The following DNAH8 variants were observed in gnomAD, a reference collection of about 807,000 sequenced individuals.
DNAH8 encodes dynein axonemal heavy chain 8.
In DNAH8, 382 loss-of-function variants were observed where a neutral mutation model predicts 562.1. The observed-to-expected ratio is 0.68, with a 90% CI of 0.63 to 0.74. The LOEUF (loss-of-function observed/expected upper bound fraction) is 0.74, where lower values mean the gene tolerates loss of function less well. DNAH8 is among the 30% of genes least tolerant of loss of function. DNAH8 has a pLI of 0.00. For missense variants in DNAH8, 5,203 were observed against 5,620.4 expected (o/e 0.93, Z 2.37); for synonymous variants, 1,881 against 1,919.4 (o/e 0.98, Z 0.52).
At chr6:38,905,253 C>G (rs1031585127) in intron 62 of DNAH8, among the ~76,000 whole-genome samples, 5 of 152,184 alleles carry the variant, frequency 3.3e-5, no homozygotes, top group Non-Finnish European at 7.3e-5. Flanking sequence ...TTGTCATTAG[C>G]TTACCCATGA....
intron 10 of DNAH8, 33 bp from the exon 11 acceptor site, chr6:38,761,669 C>G: frequency 8.7e-7 from 1 of 1,152,490 alleles, no homozygotes; most frequent in Non-Finnish European, 1.2e-6. Context: ...TCTCTTTTTA[C>G]ATATAATTAT....
chr6:39,005,147 C>T (rs778877233), intron 88 of DNAH8, among the ~76,000 whole-genome samples: 4 of 152,178 alleles, frequency 2.6e-5, no homozygotes, highest in Non-Finnish European at 4.4e-5. Context: ...AGCAGCAGCT[C>T]ATGCCTGTAA....
At chr6:38,909,451 A>C in intron 64 of DNAH8, 67 bp from the exon 65 acceptor site, 8 of 1,462,718 alleles carry the variant, frequency 5.5e-6, no homozygotes, top group Non-Finnish European at 7.7e-6. Context: ...CAGATTGCGT[A>C]AATCTCTCTC....
At chr6:38,765,109 C>T (rs904172097) in intron 11 of DNAH8, among the ~76,000 whole-genome samples, 3 of 152,186 alleles carry the variant, frequency 2.0e-5, no homozygotes, top group African/African-American at 4.8e-5. Context: ...GTGTTGGGAT[C>T]ACAGGCGTAA....
intron 53 of DNAH8, among the ~76,000 whole-genome samples, chr6:38,881,844 C>T (rs1778519754): frequency 6.6e-6 from 1 of 152,118 alleles, no homozygotes; most frequent in Non-Finnish European, 1.5e-5. Flanking sequence ...AGCCACTGTG[C>T]CCGGACTTGA....
At chr6:38,949,428 T>G in intron 80 of DNAH8, 24 bp from the exon 81 acceptor site, 1 of 1,394,976 alleles carries the variant, frequency 7.2e-7, no homozygotes, top group Non-Finnish European at 1.0e-6. Context: ...TTCTGTGGCT[T>G]GCTAATTGGC....
At chr6:38,743,204 T>C (rs1265860514) in intron 8 of DNAH8, among the ~76,000 whole-genome samples, 1 of 151,746 alleles carries the variant, frequency 6.6e-6, no homozygotes. Flanking sequence ...TTTTTAAAAA[T>C]GTTGTCCAGG....
chr6:38,715,836 A>C (rs1432119956), intron 1 of DNAH8, among the ~76,000 whole-genome samples: 2 of 107,008 alleles, frequency 1.9e-5, no homozygotes, highest in African/African-American at 5.5e-5. Context: ...GATGACCCTG[A>C]AGTCTCAGAC....
intron 83 of DNAH8, chr6:38,971,914 C>T (rs1039346264): frequency 1.2e-5 from 4 of 324,470 alleles, no homozygotes; most frequent in African/African-American, 4.3e-5. Flanking sequence ...GGGAGACACA[C>T]CTTCTGATTT....
chr6:38,907,842 A>C, intron 63 of DNAH8, 114 bp from the exon 64 acceptor site: 1 of 960,176 alleles, frequency 1.0e-6, no homozygotes, highest in Non-Finnish European at 1.4e-6. Context: ...GAGATGCTGA[A>C]AGAAAATATG....
In DNAH8 at chr6:38,737,828, G is replaced by A. The variant is rs200424041; in HGVS notation, c.972G>A (p.Glu324=). The change falls in exon 7 of 93, where the codon GAG becomes GAA. Residue 324 remains glutamate, a synonymous_variant. Transcript: ENST00000327475. ...SFLDGARISI[E]GTVKLKTIDN... is the part of the protein sequence containing the mutation. ...TTTTAGGTGCTAGAATAAGTATTGAGGGAACAGTGAAGTTAAAGACAATAG... is the reference window on the plus strand; with the variant it reads ...TTTTAGGTGCTAGAATAAGTATTGAAGGAACAGTGAAGTTAAAGACAATAG... 9 of 1,547,558 alleles carry A rather than the reference G, an allele frequency of 5.8e-6. No individual in the cohort carries two copies. Among genetic ancestry groups the A allele is most frequent in the Middle Eastern group, 3.4e-4 (2 of 5,892 alleles).
chr6:38,912,054 T>C (rs1780948087), intron 66 of DNAH8, among the ~76,000 whole-genome samples: 1 of 152,184 alleles, frequency 6.6e-6, no homozygotes, highest in Non-Finnish European at 1.5e-5. Flanking sequence ...GTTTTCCAAG[T>C]GTCTGCTATA....
At chr6:38,824,814 CTACCAAGGAAGTACTTGTGA>C (rs1773165330) in intron 28 of DNAH8, among the ~76,000 whole-genome samples, 1 of 151,952 alleles carries the variant, frequency 6.6e-6, no homozygotes, top group South Asian at 2.1e-4. Flanking sequence ...ATTATTATAT[CTACCAAGGAAGTACTTGTGA>C]TTCTCTGAGG....
chr6:38,737,120 G>A lies in DNAH8; in HGVS notation c.816G>A (p.Arg272=), dbSNP rs1582865584. 1.3e-6 allele frequency: 2 copies of A among 1,583,748 alleles called. No individual in the cohort carries two copies. The highest frequency in any genetic ancestry group is 1.7e-6 in the Non-Finnish European group (2 of 1,167,616). Residue 272 remains arginine (R), a synonymous_variant, in exon 6 of 93, where the codon AGG becomes AGA. Coordinates refer to ENST00000327475, the MANE Select transcript of DNAH8 (RefSeq NM_001206927.2). ...CGAAAGGACTCTTAAATGGAATTAGGGATATGTTGGCAAATATATTTCTAC... is the reference window on the plus strand; with the variant it reads ...CGAAAGGACTCTTAAATGGAATTAGAGATATGTTGGCAAATATATTTCTAC... ...DASKGLLNGI[R]DMLANIFLPA...
chr6:38,923,895 G>C, intron 72 of DNAH8, 96 bp from the exon 73 acceptor site: 1 of 1,334,434 alleles, frequency 7.5e-7, no homozygotes, highest in South Asian at 1.2e-5. Flanking sequence ...GGGCAAAGAA[G>C]GATTTCACCC....
chr6:38,887,189 C>G (rs959520816), intron 57 of DNAH8, among the ~76,000 whole-genome samples, 185 bp downstream of exon 57: 1 of 152,086 alleles, frequency 6.6e-6, no homozygotes, highest in Non-Finnish European at 1.5e-5. Flanking sequence ...TTCTCAGACT[C>G]AGAGATATTT....
chr6:38,830,357 A>G (rs1773720722), intron 30 of DNAH8, among the ~76,000 whole-genome samples: 1 of 152,108 alleles, frequency 6.6e-6, no homozygotes, highest in African/African-American at 2.4e-5. Context: ...CCAAGGGGCC[A>G]GGCATGGTGG....
chr6:38,757,724 T>C (rs1412397793), intron 10 of DNAH8, among the ~76,000 whole-genome samples: 1 of 152,252 alleles, frequency 6.6e-6, no homozygotes, highest in East Asian at 1.9e-4. Context: ...GGATCCATTT[T>C]CAGCTTTCTA....
In DNAH8 at chr6:38,842,537, GTCT is replaced by G. The variant is rs577898143; in HGVS notation, c.4604+37_4604+39del. 2.5e-4 allele frequency: 404 copies of G among 1,605,918 alleles called. 3 individuals carry two copies. The African/African-American group carries it at 4.9e-3, about 20-fold the overall frequency. ...TTCAATGGAATTTTTTATAATGCCT[GTCT>G]TCTTAGGATCCTATAGGTATTTCAG... On this transcript the variant is annotated intron_variant, in intron 34 of 92. Coordinates refer to ENST00000327475, the MANE Select transcript of DNAH8 (RefSeq NM_001206927.2).
Sources: allele counts gnomAD v4.1 joint callset (sites outside exome capture counted in the v4.1 genomes callset), GRCh38; gene constraint gnomAD v4.1.1; transcripts MANE v1.5; gene names NCBI Gene and HGNC (gene_info 2026-07-23, HGNC 2026-07-21).